The following DCDC2C variants were observed in gnomAD, a reference collection of about 807,000 sequenced individuals.
DCDC2C encodes doublecortin domain containing 2C, also known as doublecortin domain-containing protein 2C.
DCDC2C carries 44 observed loss-of-function variants against 45.0 expected under a neutral mutation model. The observed-to-expected ratio is 0.98, with a 90% confidence interval of 0.77 to 1.26. DCDC2C has a LOEUF of 1.26. Among genes scored for constraint, DCDC2C ranks in the 50% most tolerant of loss-of-function variants. The pLI, the probability that DCDC2C is intolerant of heterozygous loss-of-function variation, is 0.00. For synonymous variants in DCDC2C, 187 were observed against 178.8 expected, an observed-to-expected ratio of 1.05 and a Z score of -0.37; for missense variants, 447 against 468.9, an observed-to-expected ratio of 0.95 and a Z score of 0.43.
intron 4 of DCDC2C, among the ~76,000 whole-genome samples, chr2:3,750,228 C>T (rs543865509): frequency 6.6e-6 from 1 of 152,292 alleles, no homozygotes; most frequent in South Asian, 2.1e-4. Flanking sequence ...CCTTGGTCTC[C>T]CCTCAACAGC....
At chr2:3,845,818 G>C (rs1321595431) in intron 10 of DCDC2C, among the ~76,000 whole-genome samples, 1 of 152,210 alleles carries the variant, frequency 6.6e-6, no homozygotes, top group Non-Finnish European at 1.5e-5. Context: ...GAATGGATTA[G>C]GGCTAAGAGA....
chr2:3,730,972 A>G (rs1036565347), intron 3 of DCDC2C, among the ~76,000 whole-genome samples: 1 of 152,186 alleles, frequency 6.6e-6, no homozygotes, highest in African/African-American at 2.4e-5. Context: ...GGCACTGAGG[A>G]CTGACTCGTG....
chr2:3,798,262 GT>G (rs1671015654), intron 10 of DCDC2C, among the ~76,000 whole-genome samples: 1 of 151,998 alleles, frequency 6.6e-6, no homozygotes, highest in Non-Finnish European at 1.5e-5. Flanking sequence ...GCCTATGTGT[GT>G]CTCTGCACGT....
At chr2:3,816,571 A>G (rs1437141741) in intron 10 of DCDC2C, among the ~76,000 whole-genome samples, 1 of 152,200 alleles carries the variant, frequency 6.6e-6, no homozygotes, top group Non-Finnish European at 1.5e-5. Context: ...TGTGGTGGAG[A>G]TAGCTGAGGA....
At chr2:3,789,221 T>C (rs898254206) in intron 10 of DCDC2C, among the ~76,000 whole-genome samples, 2 of 152,122 alleles carry the variant, frequency 1.3e-5, no homozygotes, top group African/African-American at 4.8e-5. Context: ...TTTAGCCCAT[T>C]GGAGAAACAA....
In DCDC2C at chr2:3,703,610, C is replaced by A. The variant is rs1667931799; in HGVS notation, c.-142C>A. The A allele has an allele frequency of 1.2e-6, 1 of 822,134 alleles. No individual in the cohort carries two copies. Among genetic ancestry groups the A allele is most frequent in the Non-Finnish European group, 1.6e-6 (1 of 626,756 alleles). 50.9% of individuals were successfully genotyped at this position (822,134 alleles called of 1,614,324 possible). A position where few individuals can be genotyped will look rare whatever the true frequency, so the allele number is the denominator to read the frequency against. On this transcript the variant is annotated 5_prime_UTR_variant, in exon 1 of 11. Coordinates refer to ENST00000399143, the MANE Select transcript of DCDC2C (RefSeq NM_001287444.2). This position sits in a 1 kb window ranked among gnomAD's most constrained non-coding sequence, Gnocchi z 4.4. ...CGTCCCCGTCCAGCCCCCGTCCCGT[C>A]CCCGTCCCGTCCCCGTCCTGCGCCA...
At chr2:3,843,625 G>A (rs531304740) in intron 10 of DCDC2C, among the ~76,000 whole-genome samples, 12 of 152,296 alleles carry the variant, frequency 7.9e-5, no homozygotes, top group Admixed American at 7.2e-4. Context: ...CCTGAGCTCC[G>A]AAAGTTGGTT....
intron 1 of DCDC2C, among the ~76,000 whole-genome samples, chr2:3,707,644 TGCATCTCC>T (rs1279303940): frequency 6.6e-6 from 1 of 152,214 alleles, no homozygotes; most frequent in East Asian, 1.9e-4. Context: ...TGTAGCTGCG[TGCATCTCC>T]GCTATCTGGA....
chr2:3,778,084 A>C (rs1354626355), intron 8 of DCDC2C, among the ~76,000 whole-genome samples: 2 of 73,544 alleles, frequency 2.7e-5, no homozygotes, highest in Admixed American at 1.4e-4. Context: ...AGCTGGACGC[A>C]TGTGCAGCAC....
At chr2:3,827,652 T>G (rs1215057911) in intron 10 of DCDC2C, among the ~76,000 whole-genome samples, 1 of 152,242 alleles carries the variant, frequency 6.6e-6, no homozygotes, top group East Asian at 1.9e-4. Flanking sequence ...CCTTCTGATT[T>G]TCTCCTCTTG....
chr2:3,815,089 C>A (rs2148217710), intron 10 of DCDC2C, among the ~76,000 whole-genome samples: 1 of 152,360 alleles, frequency 6.6e-6, no homozygotes, highest in Non-Finnish European at 1.5e-5. Flanking sequence ...TAGGCTTAAG[C>A]AGATTCCAGC....
intron 3 of DCDC2C, among the ~76,000 whole-genome samples, chr2:3,730,754 CCTT>C (rs1460033251): frequency 2.0e-5 from 3 of 152,190 alleles, no homozygotes; most frequent in Non-Finnish European, 2.9e-5. Context: ...CCTCAGCAGT[CCTT>C]CTGGGTGGCG....
chr2:3,836,580 C>T lies in DCDC2C; in HGVS notation c.1066-10574C>T, dbSNP rs74551901. On this transcript the variant is annotated intron_variant, in intron 10 of 10. Transcript: ENST00000399143. ...GAAGCTGCTTAAAGAGTACACTGGT[C>T]GGCGGGGCGCGGTGGCTCACGCCTG... 4.7e-3 allele frequency among the ~76,000 whole-genome samples: 709 copies of T among 152,262 alleles called. 1 individual carries two copies. Among genetic ancestry groups the T allele is most frequent in the Non-Finnish European group, 7.1e-3 (483 of 68,006 alleles).
At chr2:3,804,569 A>G (rs1671187430) in intron 10 of DCDC2C, among the ~76,000 whole-genome samples, 1 of 152,198 alleles carries the variant, frequency 6.6e-6, no homozygotes, top group African/African-American at 2.4e-5. Flanking sequence ...TATTTACTGA[A>G]GTCTTATCTT....
intron 10 of DCDC2C, among the ~76,000 whole-genome samples, chr2:3,839,817 C>T (rs1672165381): frequency 6.6e-6 from 1 of 152,212 alleles, no homozygotes; most frequent in Admixed American, 6.5e-5. Context: ...CAGCCTCAGT[C>T]TCATTATTTG....
chr2:3,790,488 G>A (rs1670774760), intron 10 of DCDC2C, among the ~76,000 whole-genome samples: 1 of 152,166 alleles, frequency 6.6e-6, no homozygotes, highest in African/African-American at 2.4e-5. Context: ...TCAATCAGTG[G>A]AGGGTTTTCA....
At chr2:3,716,984 AGG>A (rs1299079019) in intron 2 of DCDC2C, among the ~76,000 whole-genome samples, 2 of 152,146 alleles carry the variant, frequency 1.3e-5, no homozygotes, top group African/African-American at 4.8e-5. Context: ...CCCTGCTGAT[AGG>A]GGTGAGGTGG....
chr2:3,837,174 A>G (rs992284084), intron 10 of DCDC2C, among the ~76,000 whole-genome samples: 4 of 152,124 alleles, frequency 2.6e-5, no homozygotes, highest in Admixed American at 2.0e-4. Flanking sequence ...ACACTGGCCA[A>G]TCTCTTAAGG....
At chr2:3,819,947 T>G (rs543987018) in intron 10 of DCDC2C, among the ~76,000 whole-genome samples, 1 of 152,244 alleles carries the variant, frequency 6.6e-6, no homozygotes, top group East Asian at 1.9e-4. Context: ...GCAACCTGGC[T>G]AGGCCTGGCG....
Sources: allele counts gnomAD v4.1 joint callset (sites outside exome capture counted in the v4.1 genomes callset), GRCh38; gene constraint gnomAD v4.1.1; non-coding constraint Gnocchi (gnomAD v3.1); transcripts MANE v1.5; gene names NCBI Gene and HGNC (gene_info 2026-07-23, HGNC 2026-07-21).